The following SOX5 variants were observed in gnomAD, a reference collection of about 807,000 sequenced individuals.
SOX5 encodes SRY-box transcription factor 5.
Under a neutral mutation model 92.0 loss-of-function variants are expected in SOX5, and 9 were observed. That is an observed-to-expected ratio of 0.10 (90% CI 0.06 to 0.17). The LOEUF (loss-of-function observed/expected upper bound fraction) is 0.17. SOX5 is among the 10% of genes least tolerant of loss of function. SOX5 has a pLI of 1.00. For missense variants in SOX5, 642 were observed against 944.5 expected (o/e 0.68, Z 4.20); for synonymous variants, 344 against 336.3 (o/e 1.02, Z -0.25).
At chr12:24,291,542 T>C (rs182722244) in intron 2 of SOX5, among the ~76,000 whole-genome samples, 265 of 152,336 alleles carry the variant, frequency 1.7e-3, no homozygotes, top group African/African-American at 5.8e-3. Flanking sequence ...ATAAATCTGC[T>C]AATGTTCATC....
intron 2 of SOX5, among the ~76,000 whole-genome samples, chr12:24,310,858 C>CTT (rs367996399): frequency 6.9e-6 from 1 of 145,242 alleles, no homozygotes; most frequent in African/African-American, 2.5e-5. Context: ...TTTTTTGTTT[C>CTT]TTTTTTTTTT....
intron 9 of SOX5, among the ~76,000 whole-genome samples, chr12:23,591,899 G>A (rs1175755319): frequency 6.6e-6 from 1 of 152,000 alleles, no homozygotes; most frequent in Non-Finnish European, 1.5e-5. Context: ...AAGAATTTTT[G>A]TAGTATTTCA....
At chr12:23,627,537 A>C (rs945645997) in intron 8 of SOX5, among the ~76,000 whole-genome samples, 5 of 152,152 alleles carry the variant, frequency 3.3e-5, no homozygotes, top group African/African-American at 1.2e-4. Flanking sequence ...ATAATGATGA[A>C]TATAACAGCT....
At chr12:23,665,226 A>T (rs17393097) in intron 7 of SOX5, among the ~76,000 whole-genome samples, 12,621 of 152,266 alleles carry the variant, frequency 0.083, 618 homozygotes, top group Non-Finnish European at 0.11. Flanking sequence ...AATCGAAGTC[A>T]TGAAATTGAA....
chr12:24,372,103 T>C (rs1956798366), intron 1 of SOX5, among the ~76,000 whole-genome samples: 1 of 152,176 alleles, frequency 6.6e-6, no homozygotes, highest in African/African-American at 2.4e-5. Flanking sequence ...TAGGTCTTTT[T>C]AAAAGGTGAA....
At chr12:24,561,967 A>G (rs1409930716) in intron 1 of SOX5, among the ~76,000 whole-genome samples, 2 of 152,224 alleles carry the variant, frequency 1.3e-5, no homozygotes, top group Non-Finnish European at 1.5e-5. Context: ...GCCACCACTT[A>G]CAAAACAATA....
chr12:24,427,643 G>A (rs140939458), intron 1 of SOX5, among the ~76,000 whole-genome samples: 1 of 152,166 alleles, frequency 6.6e-6, no homozygotes. Flanking sequence ...TCTAAAAATG[G>A]CAACATTAAA....
intron 1 of SOX5, among the ~76,000 whole-genome samples, chr12:24,400,914 G>T (rs899893023): frequency 5.9e-5 from 9 of 152,168 alleles, no homozygotes; most frequent in African/African-American, 1.9e-4. Flanking sequence ...ATGGCCTGTG[G>T]TCCAAATCTG....
intron 4 of SOX5, among the ~76,000 whole-genome samples, chr12:24,121,914 A>G (rs1187808297): frequency 6.9e-6 from 1 of 145,876 alleles, no homozygotes; most frequent in Non-Finnish European, 1.5e-5. Context: ...AAAAAAAGGG[A>G]TGAGATGATA....
intron 3 of SOX5, among the ~76,000 whole-genome samples, chr12:23,832,116 A>G (rs1439351839): frequency 6.6e-6 from 1 of 152,032 alleles, no homozygotes; most frequent in African/African-American, 2.4e-5. Context: ...CTTCAATTAT[A>G]TTTGTCTTCA....
At chr12:24,329,378 A>G (rs904479822) in intron 2 of SOX5, among the ~76,000 whole-genome samples, 2 of 152,106 alleles carry the variant, frequency 1.3e-5, no homozygotes, top group African/African-American at 4.8e-5. Context: ...TGTCCAAGAG[A>G]AGCAAAAACT....
At chr12:23,648,915 T>C (rs985037702) in intron 7 of SOX5, among the ~76,000 whole-genome samples, 2 of 152,148 alleles carry the variant, frequency 1.3e-5, no homozygotes, top group Non-Finnish European at 2.9e-5. Flanking sequence ...GTTTCAAATA[T>C]ACAAATATAT....
intron 6 of SOX5, among the ~76,000 whole-genome samples, chr12:23,672,322 G>A (rs557208831): frequency 9.2e-5 from 14 of 152,238 alleles, no homozygotes; most frequent in Non-Finnish European, 1.5e-4. Flanking sequence ...CTCTGCAGAA[G>A]CAAAATATTG....
intron 2 of SOX5, among the ~76,000 whole-genome samples, chr12:23,863,714 C>T (rs2096780161): frequency 6.6e-6 from 1 of 151,796 alleles, no homozygotes; most frequent in South Asian, 2.1e-4. Context: ...CTACATCTTA[C>T]ATTTCAATTT....
At chr12:24,002,572 A>ATTTTTTTT (rs1951715911) in intron 4 of SOX5, among the ~76,000 whole-genome samples, 2 of 131,802 alleles carry the variant, frequency 1.5e-5, no homozygotes, top group African/African-American at 3.2e-5. Flanking sequence ...TGAATTAGTA[A>ATTTTTTTT]TTTTCTTACA....
At chr12:23,625,082 T>C (rs1321449418) in intron 8 of SOX5, among the ~76,000 whole-genome samples, 2 of 152,224 alleles carry the variant, frequency 1.3e-5, no homozygotes, top group Non-Finnish European at 2.9e-5. Context: ...GGGTTCACCA[T>C]ACACCATTTA....
chr12:23,804,915 T>TTATATATATATATATATA (rs528741802), intron 3 of SOX5, among the ~76,000 whole-genome samples: 2 of 75,064 alleles, frequency 2.7e-5, no homozygotes, highest in Non-Finnish European at 5.1e-5. Flanking sequence ...TATCATTGTT[T>TTATATATATATATATATA]TATATATATA....
intron 8 of SOX5, among the ~76,000 whole-genome samples, chr12:23,619,270 T>A (rs753412961): frequency 6.6e-6 from 1 of 152,158 alleles, no homozygotes; most frequent in African/African-American, 2.4e-5. Context: ...GGACAGAGAA[T>A]AACAGCAGCA....
intron 4 of SOX5, among the ~76,000 whole-genome samples, chr12:24,188,276 A>G (rs1956202928): frequency 1.3e-5 from 2 of 152,190 alleles, no homozygotes; most frequent in South Asian, 4.1e-4. Context: ...TGGAAAATCC[A>G]CAAGTGACAA....
Sources: allele counts gnomAD v4.1 joint callset (sites outside exome capture counted in the v4.1 genomes callset), GRCh38; gene constraint gnomAD v4.1.1; transcripts MANE v1.5; gene names NCBI Gene and HGNC (gene_info 2026-07-23, HGNC 2026-07-21).